Variants in VTA1 observed in about 807,000 individuals in gnomAD.
VTA1 encodes the protein vesicle trafficking 1.
In VTA1, 24 loss-of-function variants were observed where a neutral mutation model predicts 36.9. The observed-to-expected ratio is 0.65, with a 90% CI of 0.47 to 0.91. The LOEUF is 0.91. VTA1 is among the 40% of genes least tolerant of loss of function. The pLI is 0.00. For missense variants in VTA1, 393 were observed against 377.2 expected, an observed-to-expected ratio of 1.04 and a Z score of -0.35; for synonymous variants, 142 against 130.2, an observed-to-expected ratio of 1.09 and a Z score of -0.62.
intron 7 of VTA1, among the ~76,000 whole-genome samples, chr6:142,205,632 T>A (rs1028127287): frequency 1.3e-5 from 2 of 152,130 alleles, no homozygotes; most frequent in African/African-American, 4.8e-5. Flanking sequence ...AGAAGAAAGA[T>A]TCTATGATAG....
At chr6:142,159,265 G>GAGGT (rs1774733641) in intron 1 of VTA1, among the ~76,000 whole-genome samples, 1 of 152,084 alleles carries the variant, frequency 6.6e-6, no homozygotes, top group South Asian at 2.1e-4. Context: ...TTGGGAGGCT[G>GAGGT]AGGTGGAAGA....
At chr6:142,147,601 A>G (rs1323268748) in intron 1 of VTA1, among the ~76,000 whole-genome samples, 1 of 152,026 alleles carries the variant, frequency 6.6e-6, no homozygotes, top group Non-Finnish European at 1.5e-5. Flanking sequence ...TGCTTCTCCT[A>G]TCTTGTGCTT....
At chr6:142,197,926 A>G (rs1316947412) in intron 5 of VTA1, among the ~76,000 whole-genome samples, 1 of 151,186 alleles carries the variant, frequency 6.6e-6, no homozygotes, top group African/African-American at 2.4e-5. Context: ...TACAAAAAAA[A>G]AAAAACCAAA....
chr6:142,149,569 A>G (rs2114625039), intron 1 of VTA1, among the ~76,000 whole-genome samples: 1 of 152,238 alleles, frequency 6.6e-6, no homozygotes, highest in African/African-American at 2.4e-5. Context: ...GCTTTTGCCC[A>G]TTTATCTGTC....
In VTA1 at chr6:142,221,170, GGCATCA is replaced by G. The variant is rs1361956543; in HGVS notation, c.*2534_*2539del. ...TTCTCAAAGGTGTCTCTGGACGACC[GGCATCA>G]GCATCACCTGCGAACTTGCTAGAAA... is the stretch of plus-strand genomic sequence containing the variant. On this transcript the variant is annotated 3_prime_UTR_variant, in exon 8 of 8. Transcript: ENST00000367630. 2.0e-5 allele frequency: 3 copies of G among 152,142 alleles called. No homozygotes were observed. Among genetic ancestry groups the G allele is most frequent in the Non-Finnish European group, 2.9e-5 (2 of 68,012 alleles). The allele number at this position is 152,142 out of a possible 1,614,324, so 9.4% of individuals were successfully genotyped here. A position where few individuals can be genotyped will look rare whatever the true frequency, so the allele number is the denominator to read the frequency against.
intron 7 of VTA1, among the ~76,000 whole-genome samples, chr6:142,213,351 CT>C (rs1226627467): frequency 4.6e-5 from 7 of 152,218 alleles, no homozygotes; most frequent in African/African-American, 1.7e-4. Flanking sequence ...AGCTCCACCC[CT>C]GTGGCTCTGC....
Position 142,152,157 on chromosome 6 carries a change from C to T in VTA1, c.112+4758C>T, listed in dbSNP as rs75784939. ...TGTTGGAACAAGTATTTCAAGTTTTCCCAATCCTTTCTGCATCCTACAATA... is the reference window on the plus strand; with the variant it reads ...TGTTGGAACAAGTATTTCAAGTTTTTCCAATCCTTTCTGCATCCTACAATA... On this transcript the variant is annotated intron_variant, in intron 1 of 7. Coordinates refer to ENST00000367630, the MANE Select transcript of VTA1 (RefSeq NM_016485.5). Among the ~76,000 whole-genome samples the T allele has an allele frequency of 9.3e-3, 1,406 of 150,622 alleles. 30 individuals carry two copies. Among genetic ancestry groups the T allele is most frequent in the African/African-American group, 0.032 (1,332 of 41,080 alleles).
chr6:142,158,549 A>G (rs548825142), intron 1 of VTA1, among the ~76,000 whole-genome samples: 56 of 152,316 alleles, frequency 3.7e-4, no homozygotes, highest in African/African-American at 1.1e-3. Flanking sequence ...GATCTTATCA[A>G]TAGTATATTG....
chr6:142,189,576 C>A (rs1202254608), intron 5 of VTA1, 42 bp downstream of exon 5: 1 of 1,505,318 alleles, frequency 6.6e-7, no homozygotes, highest in Admixed American at 1.8e-5. Context: ...TTAGTAGAAT[C>A]ATAATTATTC....
chr6:142,209,358 C>T (rs1775855532), intron 7 of VTA1, among the ~76,000 whole-genome samples: 2 of 151,216 alleles, frequency 1.3e-5, no homozygotes, highest in South Asian at 4.2e-4. Context: ...TAATAACTAA[C>T]TATAATATTC....
chr6:142,165,214 A>G (rs1049448341), intron 1 of VTA1, among the ~76,000 whole-genome samples: 20 of 152,192 alleles, frequency 1.3e-4, no homozygotes, highest in Non-Finnish European at 2.6e-4. Context: ...TGTAAGTTTA[A>G]TAAGTTTTTT....
Position 142,220,512 on chromosome 6 carries a change from A to AAT in VTA1, c.*1870_*1871insTA, listed in dbSNP as rs1776089073. The AAT allele has an allele frequency of 6.6e-6, 1 of 152,218 alleles. No individual in the cohort carries two copies. Among genetic ancestry groups the AAT allele is most frequent in the Non-Finnish European group, 1.5e-5 (1 of 68,054 alleles). The allele number at this position is 152,218 out of a possible 1,614,324, so 9.4% of individuals were successfully genotyped here. On this transcript the variant is annotated 3_prime_UTR_variant, in exon 8 of 8. Transcript: ENST00000367630. Reference sequence around the variant, plus strand: ...CACCACTAGCCATCTCAATAGTTACAAGAATTAAAAGAGATACAGTACCTG... The same window carrying AAT: ...CACCACTAGCCATCTCAATAGTTACAATAGAATTAAAAGAGATACAGTACCTG...
chr6:142,150,119 A>C (rs575672018), intron 1 of VTA1, among the ~76,000 whole-genome samples: 27 of 152,008 alleles, frequency 1.8e-4, no homozygotes, highest in Non-Finnish European at 3.2e-4. Flanking sequence ...CATTTCTGAT[A>C]GTTTCTTGTT....
intron 4 of VTA1, among the ~76,000 whole-genome samples, chr6:142,171,002 G>T (rs890082222): frequency 1.3e-5 from 2 of 152,168 alleles, no homozygotes; most frequent in Admixed American, 1.3e-4. Flanking sequence ...GACAGCACAG[G>T]TTTAGAGTTT....
At chr6:142,162,430 A>G (rs1463077286) in intron 1 of VTA1, among the ~76,000 whole-genome samples, 2 of 152,198 alleles carry the variant, frequency 1.3e-5, no homozygotes, top group Non-Finnish European at 2.9e-5. Flanking sequence ...TGTCGGTACC[A>G]TCCTTCAAAT....
At position 142,192,980 on chromosome 6, in the gene VTA1, T is replaced by G. The variant is rs1775482409; in HGVS notation, c.520+3446T>G. On this transcript the variant is annotated intron_variant, in intron 5 of 7. Transcript: ENST00000367630. ...AGTATAGTATTTATTTAGTGTATCA[T>G]CTGATTTCCATCTGTATTCAGATTT... is the stretch of plus-strand genomic sequence containing the variant. Among the ~76,000 whole-genome samples, 2 of 152,128 alleles carry G rather than the reference T, an allele frequency of 1.3e-5. 1 individual carries two copies. Among genetic ancestry groups the G allele is most frequent in the South Asian group, 4.1e-4 (2 of 4,832 alleles).
chr6:142,205,561 C>A (rs564152855), intron 7 of VTA1, among the ~76,000 whole-genome samples: 3 of 151,988 alleles, frequency 2.0e-5, no homozygotes, highest in African/African-American at 7.2e-5. Flanking sequence ...GGGTGGTAAT[C>A]AAGCAAAATA....
At chr6:142,199,993 A>G (rs1158522683) in intron 6 of VTA1, among the ~76,000 whole-genome samples, 3 of 152,144 alleles carry the variant, frequency 2.0e-5, no homozygotes, top group Non-Finnish European at 4.4e-5. Flanking sequence ...TGTTCAGATT[A>G]TACTTGAAGG....
intron 4 of VTA1, among the ~76,000 whole-genome samples, chr6:142,188,671 C>T (rs961936972): frequency 4.6e-5 from 7 of 152,114 alleles, no homozygotes; most frequent in Non-Finnish European, 7.4e-5. Context: ...CAAGTGATAA[C>T]GATGCCACTA....
Sources: gnomAD v4.1 joint callset for allele counts (sites outside exome capture counted in the v4.1 genomes callset) on GRCh38, gnomAD v4.1.1 for gene constraint, MANE v1.5 for transcripts, NCBI Gene and HGNC (gene_info 2026-07-23, HGNC 2026-07-21) for gene names.